TWF2: variants seen among roughly 807,000 people sequenced by gnomAD.
TWF2 encodes twinfilin-2.
A neutral mutation model predicts 45.1 loss-of-function variants in TWF2; 15 were observed. That is an observed-to-expected ratio of 0.33 (90% confidence interval 0.22 to 0.51). TWF2 has a LOEUF of 0.51. TWF2 is among the 20% of genes least tolerant of loss of function. The pLI, the probability that TWF2 is intolerant of heterozygous loss-of-function variation, is 0.97. For synonymous variants in TWF2, 177 were observed against 195.8 expected (o/e 0.90, Z 0.80); for missense variants, 423 against 469.1 (o/e 0.90, Z 0.91).
chr3:52,238,930 G>GC (rs1699753587), intron 1 of TWF2, 62 bp downstream of exon 1: 3 of 1,387,706 alleles, frequency 2.2e-6, no homozygotes, highest in Non-Finnish European at 9.3e-7. Context: ...GCCGAGAGCC[G>GC]GGGGGGGGCG....
intron 2 of TWF2, among the ~76,000 whole-genome samples, chr3:52,234,758 T>C (rs1435214028): frequency 6.6e-6 from 1 of 152,208 alleles, no homozygotes; most frequent in African/African-American, 2.4e-5. Flanking sequence ...TGAATATCCA[T>C]GCAGCCTCTG....
chr3:52,230,081 C>T lies in TWF2; in HGVS notation c.610-11G>A. The T allele has an allele frequency of 1.3e-6, 2 of 1,570,218 alleles. No homozygotes were observed. Reference sequence around the variant, plus strand: ...CTCTAGGTCCAGCTTCTGCCCAGGGCCAAGGGAAGATGGGAGAGCACCAGG... The same window carrying T: ...CTCTAGGTCCAGCTTCTGCCCAGGGTCAAGGGAAGATGGGAGAGCACCAGG... On this transcript the variant is annotated splice_polypyrimidine_tract_variant and intron_variant, in intron 6 of 8. Coordinates refer to ENST00000305533, the MANE Select transcript of TWF2 (RefSeq NM_007284.4).
chr3:52,231,441 T>A lies in TWF2; in HGVS notation c.378+3A>T. The A allele has an allele frequency of 6.2e-7, 1 of 1,613,694 alleles. No homozygotes were observed. Among genetic ancestry groups the A allele is most frequent in the East Asian group, 2.2e-5 (1 of 44,868 alleles). On this transcript the variant is annotated splice_donor_region_variant and intron_variant, in intron 4 of 8. Transcript: ENST00000305533. ...GTCCCGGTAAGTCCTGGCTTAGGAT[T>A]ACCTTCACAGTCCCGAAGAGCTCAT...
rs1421566643 is a variant in TWF2 at position 52,231,995 on chromosome 3, A to G, written c.231T>C (p.Asn77=). ...GGAAGAGCCATTCGAAGCCCTGAGC[A>G]TTCTGTGAGTCGAGGCGGTAGAGCA... The part of the protein sequence containing the change: ...CYLLYRLDSQ[N]AQGFEWLFLA... Residue 77 remains asparagine (N), a synonymous_variant, in exon 3 of 9, where the codon AAT becomes AAC. Transcript: ENST00000305533. 1 of 1,614,078 alleles carries G rather than the reference A, an allele frequency of 6.2e-7. No individual in the cohort carries two copies. Among genetic ancestry groups the G allele is most frequent in the Non-Finnish European group, 8.5e-7 (1 of 1,179,982 alleles).
chr3:52,229,623 A>G (rs1699659010), intron 8 of TWF2, 38 bp downstream of exon 8: 8 of 1,606,524 alleles, frequency 5.0e-6, no homozygotes, highest in Middle Eastern at 1.7e-4. Flanking sequence ...TTGGAGTGAT[A>G]GGGCCTGGGG....
chr3:52,235,130 G>T, intron 1 of TWF2, 24 bp from the exon 2 acceptor site: 1 of 1,611,862 alleles, frequency 6.2e-7, no homozygotes, highest in Non-Finnish European at 8.5e-7. Context: ...AAACATGGTG[G>T]GGGATGAGTG....
Position 52,231,933 on chromosome 3 carries a change from C to T in TWF2, c.282+11G>A. On this transcript the variant is annotated intron_variant, in intron 3 of 8. Transcript: ENST00000305533. ...GCTCCCCTCCTCACTTCCCACTGGC[C>T]CAGGACTCACGGGGGAGTTATCAGG... 1 of 1,608,882 alleles carries T rather than the reference C, an allele frequency of 6.2e-7. No individual in the cohort carries two copies. The highest frequency in any genetic ancestry group is 8.5e-7 in the Non-Finnish European group (1 of 1,176,986).
At chr3:52,238,260 A>C (rs1310484894) in intron 1 of TWF2, among the ~76,000 whole-genome samples, 1 of 152,192 alleles carries the variant, frequency 6.6e-6, no homozygotes, top group African/African-American at 2.4e-5. Context: ...CAGACTCAGA[A>C]AGTCACAGTG....
intron 5 of TWF2, 45 bp from the exon 6 acceptor site, chr3:52,231,040 C>G (rs1411611356): frequency 6.2e-7 from 1 of 1,609,598 alleles, no homozygotes; most frequent in African/African-American, 1.3e-5. Context: ...CGGCCCAAAG[C>G]AGGGTGTGGC....
chr3:52,229,940 C>G lies in TWF2; in HGVS notation c.740G>C (p.Gly247Ala), dbSNP rs1699663010. 2 of 1,612,540 alleles carry G rather than the reference C, an allele frequency of 1.2e-6. No individual in the cohort carries two copies. Among genetic ancestry groups the G allele is most frequent in the African/African-American group, 2.7e-5 (2 of 74,934 alleles). ...HFFLYKHTHE[G>A]DPLESVVFIY... ...CTCACCTACAGACTCAAGGGGGTCG[C>G]CCTCATGGGTGTGCTTGTAGAGGAA... Residue 247 changes from glycine to alanine, a missense_variant, in exon 7 of 9, where the codon GGC becomes GCC. Coordinates refer to ENST00000305533, the MANE Select transcript of TWF2 (RefSeq NM_007284.4).
intron 1 of TWF2, among the ~76,000 whole-genome samples, chr3:52,237,212 C>G (rs554602576): frequency 8.3e-4 from 127 of 152,244 alleles, no homozygotes; most frequent in African/African-American, 3.0e-3. Context: ...CACATCCCTG[C>G]CCACCCCAGC....
chr3:52,232,471 T>C (rs903521092), intron 2 of TWF2, among the ~76,000 whole-genome samples: 1 of 151,784 alleles, frequency 6.6e-6, no homozygotes, highest in African/African-American at 2.4e-5. Context: ...TTGGACCCCA[T>C]CCCCACCGCA....
Position 52,231,211 on chromosome 3 carries a change from C to A in TWF2, c.399G>T (p.Gly133=), listed in dbSNP as rs1699674367. The change falls in exon 5 of 9, where the codon GGG becomes GGT. Residue 133 remains glycine (G), a synonymous_variant. Coordinates refer to ENST00000305533, the MANE Select transcript of TWF2 (RefSeq NM_007284.4). ...GTVKDDLSFA[G]YQKHLSSCAA... Reference sequence around the variant, plus strand: ...CACAGGACGACAGGTGTTTCTGGTACCCAGCAAAAGAGAGGTCATCCTGCA... The same window carrying A: ...CACAGGACGACAGGTGTTTCTGGTAACCAGCAAAAGAGAGGTCATCCTGCA... 1 of 1,613,948 alleles carries A rather than the reference C, an allele frequency of 6.2e-7. No individual in the cohort carries two copies. Among genetic ancestry groups the A allele is most frequent in the African/African-American group, 1.3e-5 (1 of 74,898 alleles).
At chr3:52,229,594 C>T (rs1263694483) in intron 8 of TWF2, 67 bp downstream of exon 8, 2 of 1,586,168 alleles carry the variant, frequency 1.3e-6, no homozygotes, top group African/African-American at 2.7e-5. Flanking sequence ...TCTCAGGACC[C>T]CAGCGCCCCA....
intron 1 of TWF2, among the ~76,000 whole-genome samples, chr3:52,235,938 C>A (rs1456232220): frequency 6.6e-6 from 1 of 152,154 alleles, no homozygotes; most frequent in Non-Finnish European, 1.5e-5. Flanking sequence ...GGGGGGACAA[C>A]ATGACCTTAA....
rs1445869850 is a variant in TWF2, at chr3:52,228,977, G to A, written c.*57C>T. 1 of 1,564,056 alleles carries A rather than the reference G, an allele frequency of 6.4e-7. No individual in the cohort carries two copies. Among genetic ancestry groups the A allele is most frequent in the African/African-American group, 1.4e-5 (1 of 73,628 alleles). On this transcript the variant is annotated 3_prime_UTR_variant, in exon 9 of 9. Coordinates refer to ENST00000305533, the MANE Select transcript of TWF2 (RefSeq NM_007284.4). ...GAGCCCAGGAAGGAGGATGGTGGCAGGGAGCGGAAGGTGGGCAGCCCCACA... is the reference window on the plus strand; with the variant it reads ...GAGCCCAGGAAGGAGGATGGTGGCAAGGAGCGGAAGGTGGGCAGCCCCACA...
Position 52,231,183 on chromosome 3 carries a change from C to T in TWF2, c.427G>A (p.Ala143Thr), listed in dbSNP as rs1418491451. The change falls in exon 5 of 9, where the codon GCA becomes ACA. Residue 143 changes from alanine (A) to threonine (T), a missense_variant. Transcript: ENST00000305533. ...TCAGCCGAGGTCAGCGGGGCAGGTG[C>T]CGCACAGGACGACAGGTGTTTCTGG... ...GYQKHLSSCA[A>T]PAPLTSAERE... 6.2e-7 allele frequency: 1 copy of T among 1,614,050 alleles called. No individual in the cohort carries two copies. The highest frequency in any genetic ancestry group is 8.5e-7 in the Non-Finnish European group (1 of 1,179,966).
chr3:52,235,789 T>A (rs1699720716), intron 1 of TWF2, among the ~76,000 whole-genome samples: 1 of 152,078 alleles, frequency 6.6e-6, no homozygotes, highest in Non-Finnish European at 1.5e-5. Flanking sequence ...GGCAACAGGA[T>A]GTATCAAAGT....
At chr3:52,231,860 C>G in intron 3 of TWF2, 84 bp downstream of exon 3, 1 of 1,541,084 alleles carries the variant, frequency 6.5e-7, no homozygotes, top group Non-Finnish European at 8.8e-7. Context: ...GGCCTGTGTC[C>G]CCTCTTGGAT....
Sources: gnomAD v4.1 joint callset for allele counts (sites outside exome capture counted in the v4.1 genomes callset) on GRCh38, gnomAD v4.1.1 for gene constraint, MANE v1.5 for transcripts, NCBI Gene and HGNC (gene_info 2026-07-23, HGNC 2026-07-21) for gene names.